The following ZFP42 variants were observed in gnomAD, a reference collection of about 807,000 sequenced individuals.
ZFP42 encodes zinc finger protein 42 homolog.
For synonymous variants in ZFP42, 175 were observed against 144.6 expected, an observed-to-expected ratio of 1.21 and a Z score of -1.51; for missense variants, 438 against 377.1, an observed-to-expected ratio of 1.16 and a Z score of -1.34.
Position 188,004,077 on chromosome 4 carries a change from A to C in ZFP42, c.*337A>C, listed in dbSNP as rs1560917452. On this transcript the variant is annotated 3_prime_UTR_variant, in exon 4 of 4. Transcript: ENST00000326866. The stretch of plus-strand genomic sequence containing the variant: ...TGTTGGATTATTGGATATAAGACTT[A>C]TTTTCATGTACTATAAATATGAAAA... 5.1e-6 allele frequency: 1 copy of C among 196,228 alleles called. No homozygotes were observed. The highest frequency in any genetic ancestry group is 1.4e-4 in the East Asian group (1 of 6,916). The allele number at this position is 196,228 out of a possible 1,614,324, so 12.2% of individuals were successfully genotyped here.
At chr4:187,998,283 C>G (rs191735363) in intron 1 of ZFP42, among the ~76,000 whole-genome samples, 1 of 151,770 alleles carries the variant, frequency 6.6e-6, no homozygotes, top group Non-Finnish European at 1.5e-5. Flanking sequence ...TTGCTGTGAG[C>G]GGAGATCACG....
At position 188,003,883 on chromosome 4, in the gene ZFP42, A is replaced by T; in HGVS notation, c.*143A>T. The T allele has an allele frequency of 1.3e-6, 1 of 785,066 alleles. No homozygotes were observed. Among genetic ancestry groups the T allele is most frequent in the Non-Finnish European group, 2.0e-6 (1 of 499,258 alleles). The allele number at this position is 785,066 out of a possible 1,614,324, so 48.6% of individuals were successfully genotyped here. A position where few individuals can be genotyped will look rare whatever the true frequency, so the allele number is the denominator to read the frequency against. Reference sequence around the variant, plus strand: ...AATTTGGTGTTACTAAGATGCTCCTACACTTTGTGATACCGTTTTAAGGAC... The same window carrying T: ...AATTTGGTGTTACTAAGATGCTCCTTCACTTTGTGATACCGTTTTAAGGAC... On this transcript the variant is annotated 3_prime_UTR_variant, in exon 4 of 4. Transcript: ENST00000326866.
In ZFP42 at chr4:188,002,859, G is replaced by T; in HGVS notation, c.52G>T (p.Gly18Cys). 1 of 1,614,208 alleles carries T rather than the reference G, an allele frequency of 6.2e-7. No homozygotes were observed. Among genetic ancestry groups the T allele is most frequent in the Non-Finnish European group, 8.5e-7 (1 of 1,180,038 alleles). ...RAKTRHQKGL[G>C]GRAPSGAKPR... The stretch of plus-strand genomic sequence containing the variant: ...AAAGACAAGACACCAGAAAGGCCTG[G>T]GTGGAAGAGCCCCCAGTGGGGCTAA... Residue 18 changes from glycine to cysteine, a missense_variant, in exon 4 of 4, where the codon GGT becomes TGT. Transcript: ENST00000326866.
At position 188,003,332 on chromosome 4, in the gene ZFP42, G is replaced by GC. The variant is rs1403527187; in HGVS notation, c.531dup (p.Ile178HisfsTer3). The GC allele has an allele frequency of 6.2e-7, 1 of 1,613,868 alleles. No homozygotes were observed. Among genetic ancestry groups the GC allele is most frequent in the Non-Finnish European group, 8.5e-7 (1 of 1,180,032 alleles). On this transcript the variant is annotated frameshift_variant, in exon 4 of 4. Transcript: ENST00000326866. LOFTEE classifies it low-confidence loss of function (END_TRUNC). The stretch of plus-strand genomic sequence containing the variant: ...AGCTCGCAGAATTTGCTAGAAAGAA[G>GC]CCCCCCATAAATAAAGAATATGACA...
In ZFP42 at chr4:188,003,435, C is replaced by T. The variant is rs1269145568; in HGVS notation, c.628C>T (p.Leu210Phe). ...RNRAALRKHL[L>F]IHGPRDHVCA... Reference sequence around the variant, plus strand: ...TAGAGCTGCCCTGAGAAAGCATCTCCTCATTCATGGTCCCCGAGACCACGT... The same window carrying T: ...TAGAGCTGCCCTGAGAAAGCATCTCTTCATTCATGGTCCCCGAGACCACGT... Residue 210 changes from leucine to phenylalanine, a missense_variant, in exon 4 of 4, where the codon CTC becomes TTC. Transcript: ENST00000326866. 6.2e-7 allele frequency: 1 copy of T among 1,614,144 alleles called. No individual in the cohort carries two copies. The highest frequency in any genetic ancestry group is 8.5e-7 in the Non-Finnish European group (1 of 1,180,040).
Position 188,002,747 on chromosome 4 carries a change from T to A in ZFP42, c.-61T>A, listed in dbSNP as rs1733878133. 4 of 1,420,984 alleles carry A rather than the reference T, an allele frequency of 2.8e-6. No individual in the cohort carries two copies. In the Admixed American group the frequency reaches 7.7e-5, roughly 27 times the overall value. 88.0% of individuals were successfully genotyped at this position (1,420,984 alleles called of 1,614,324 possible). Reference sequence around the variant, plus strand: ...GAAGACAGCTTACTCAGATCACTACTGCCTGGAGGTGGTTGATATATCCTG... The same window carrying A: ...GAAGACAGCTTACTCAGATCACTACAGCCTGGAGGTGGTTGATATATCCTG... On this transcript the variant is annotated 5_prime_UTR_variant, in exon 4 of 4. Coordinates refer to ENST00000326866, the MANE Select transcript of ZFP42 (RefSeq NM_174900.5).
In ZFP42 at chr4:188,003,057, C is replaced by T. The variant is rs780532891; in HGVS notation, c.250C>T (p.Pro84Ser). Reference sequence around the variant, plus strand: ...CGTCATAAGGGGTGAGTTTTCTCAACCCATCCTGGAAGAGGACTCACTTTT... The same window carrying T: ...CGTCATAAGGGGTGAGTTTTCTCAATCCATCCTGGAAGAGGACTCACTTTT... ...ECVIRGEFSQ[P>S]ILEEDSLFES... Residue 84 changes from proline (P) to serine (S), a missense_variant, in exon 4 of 4, where the codon CCC becomes TCC. Transcript: ENST00000326866. 1 of 1,614,074 alleles carries T rather than the reference C, an allele frequency of 6.2e-7. No individual in the cohort carries two copies. The highest frequency in any genetic ancestry group is 1.1e-5 in the South Asian group (1 of 91,088).
Position 188,003,808 on chromosome 4 carries a change from T to C in ZFP42, c.*68T>C. 1 of 1,462,796 alleles carries C rather than the reference T, an allele frequency of 6.8e-7. No homozygotes were observed. Among genetic ancestry groups the C allele is most frequent in the Non-Finnish European group, 9.2e-7 (1 of 1,091,516 alleles). 90.6% of individuals were successfully genotyped at this position (1,462,796 alleles called of 1,614,324 possible). Reference sequence around the variant, plus strand: ...GACAAACATGCCTCATTGATTATTGTTTCTAGGAAGGAATTTCTAAATCAA... The same window carrying C: ...GACAAACATGCCTCATTGATTATTGCTTCTAGGAAGGAATTTCTAAATCAA... On this transcript the variant is annotated 3_prime_UTR_variant, in exon 4 of 4. Transcript: ENST00000326866.
intron 3 of ZFP42, among the ~76,000 whole-genome samples, chr4:188,001,001 T>A (rs951708762): frequency 6.6e-6 from 1 of 152,044 alleles, no homozygotes; most frequent in Non-Finnish European, 1.5e-5. Context: ...CATCTCAAAA[T>A]AAAATAAAAG....
At chr4:188,000,571 G>A (rs919048252) in intron 3 of ZFP42, among the ~76,000 whole-genome samples, 5 of 151,988 alleles carry the variant, frequency 3.3e-5, no homozygotes, top group African/African-American at 4.8e-5. Flanking sequence ...ACAGGGTTCC[G>A]CCATATTGGC....
intron 1 of ZFP42, among the ~76,000 whole-genome samples, chr4:187,996,309 C>CTTTTCTT (rs1044916442): frequency 6.6e-6 from 1 of 151,366 alleles, no homozygotes. Context: ...GAGACTCTTT[C>CTTTTCTT]TTTTCTTTTT....
chr4:187,997,885 G>T (rs11735219), intron 1 of ZFP42, among the ~76,000 whole-genome samples: 45,442 of 151,962 alleles, frequency 0.3, 7,494 homozygotes, highest in East Asian at 0.68. Flanking sequence ...GTGTGTGTTT[G>T]TCTCTTCGTT....
intron 1 of ZFP42, among the ~76,000 whole-genome samples, chr4:187,998,585 AT>A (rs1733695565): frequency 6.6e-6 from 1 of 152,102 alleles, no homozygotes; most frequent in African/African-American, 2.4e-5. Flanking sequence ...CAGGTGTACC[AT>A]TTTTTATCTT....
At chr4:187,995,991 G>A (rs1733547338) in intron 1 of ZFP42, among the ~76,000 whole-genome samples, 151 bp downstream of exon 1, 1 of 152,210 alleles carries the variant, frequency 6.6e-6, no homozygotes, top group African/African-American at 2.4e-5. Flanking sequence ...CTCGCCGGGA[G>A]ACTTGTAGCC....
intron 3 of ZFP42, among the ~76,000 whole-genome samples, chr4:188,001,674 G>T (rs1733828659): frequency 6.6e-6 from 1 of 152,152 alleles, no homozygotes; most frequent in South Asian, 2.1e-4. Flanking sequence ...GACCCACAAA[G>T]CTAAAATCTG....
downstream of ZFP42, among the ~76,000 whole-genome samples, chr4:188,005,244 C>T (rs1734008190): frequency 6.6e-6 from 1 of 152,064 alleles, no homozygotes. Flanking sequence ...TGTAATTGTG[C>T]TATATTCGTT....
At chr4:188,000,572 C>T (rs1733772050) in intron 3 of ZFP42, among the ~76,000 whole-genome samples, 1 of 152,088 alleles carries the variant, frequency 6.6e-6, no homozygotes, top group South Asian at 2.1e-4. Flanking sequence ...CAGGGTTCCG[C>T]CATATTGGCC....
intron 1 of ZFP42, among the ~76,000 whole-genome samples, chr4:187,998,767 G>A (rs12512034): frequency 0.3 from 45,406 of 151,982 alleles, 7,491 homozygotes; most frequent in East Asian, 0.68. Flanking sequence ...TCGGGTCTGC[G>A]TAGCTACACT....
chr4:188,002,592 T>C, intron 3 of ZFP42, 121 bp from the exon 4 acceptor site: 3 of 565,540 alleles, frequency 5.3e-6, no homozygotes, highest in Non-Finnish European at 9.5e-6. Context: ...TCATTCTTGG[T>C]CTCTTGGTTA....
Sources: gnomAD v4.1 joint callset for allele counts (sites outside exome capture counted in the v4.1 genomes callset) on GRCh38, gnomAD v4.1.1 for gene constraint, MANE v1.5 for transcripts, NCBI Gene and HGNC (gene_info 2026-07-23, HGNC 2026-07-21) for gene names.